The following PIK3C2G variants were observed in gnomAD, a reference collection of about 807,000 sequenced individuals.
PIK3C2G encodes the protein phosphatidylinositol-4-phosphate 3-kinase catalytic subunit type 2 gamma.
Under a neutral mutation model 181.1 loss-of-function variants are expected in PIK3C2G, and 168 were observed. The ratio of observed to expected loss-of-function variants is 0.93; its 90% CI spans 0.82 to 1.05. The LOEUF (loss-of-function observed/expected upper bound fraction) is 1.05, where lower values mean the gene tolerates loss of function less well. PIK3C2G is among the 50% of genes least tolerant of loss of function. PIK3C2G has a pLI of 0.00. For missense variants in PIK3C2G, 1,869 were observed against 1,732.8 expected (o/e 1.08, Z -1.40); for synonymous variants, 573 against 592.2 (o/e 0.97, Z 0.47).
intron 18 of PIK3C2G, among the ~76,000 whole-genome samples, chr12:18,449,261 T>C (rs940036909): frequency 6.6e-6 from 1 of 152,086 alleles, no homozygotes; most frequent in Non-Finnish European, 1.5e-5. Context: ...TGTTTGCATA[T>C]AACTCTTTTT....
intron 26 of PIK3C2G, among the ~76,000 whole-genome samples, chr12:18,561,809 C>T (rs1448194644): frequency 1.3e-5 from 2 of 149,470 alleles, no homozygotes; most frequent in Admixed American, 1.3e-4. Context: ...CAAAGGAAAA[C>T]AAATCAAAGA....
chr12:18,392,161 G>A (rs767778538), intron 15 of PIK3C2G, among the ~76,000 whole-genome samples: 1 of 152,082 alleles, frequency 6.6e-6, no homozygotes. Context: ...GCTAGATTTG[G>A]GAGACATATT....
chr12:18,681,600 TG>T, the PIK3C2G span, among the ~76,000 whole-genome samples: 1 of 151,966 alleles, frequency 6.6e-6, no homozygotes, highest in Non-Finnish European at 1.5e-5. Context: ...TGATAAATAA[TG>T]CAAATTTTAA....
chr12:18,716,896 GC>G, the PIK3C2G span, among the ~76,000 whole-genome samples: 1 of 152,072 alleles, frequency 6.6e-6, no homozygotes, highest in African/African-American at 2.4e-5. Flanking sequence ...ATGCTTTACA[GC>G]AGTAATATTC....
At chr12:18,465,963 T>A (rs1937825159) in intron 18 of PIK3C2G, among the ~76,000 whole-genome samples, 2 of 151,732 alleles carry the variant, frequency 1.3e-5, no homozygotes, top group South Asian at 2.1e-4. Context: ...TACTTCTTTT[T>A]TTATCTTCCT....
the PIK3C2G span, among the ~76,000 whole-genome samples, chr12:18,665,289 G>A: frequency 1.3e-5 from 2 of 152,112 alleles, no homozygotes; most frequent in Admixed American, 1.3e-4. Context: ...AAGATGGAAA[G>A]AGTTCTGGAG....
intron 1 of PIK3C2G, among the ~76,000 whole-genome samples, chr12:18,254,510 G>T (rs1427143193): frequency 6.6e-6 from 1 of 151,846 alleles, no homozygotes; most frequent in East Asian, 1.9e-4. Context: ...TCAAGTTTTT[G>T]TAATATTTGT....
intron 10 of PIK3C2G, among the ~76,000 whole-genome samples, chr12:18,346,030 C>A (rs1182405201): frequency 6.6e-6 from 1 of 152,098 alleles, no homozygotes; most frequent in East Asian, 1.9e-4. Context: ...TTAGGAATAA[C>A]CAGTAGACTC....
the PIK3C2G span, chr12:18,701,358 T>A: frequency 2.8e-6 from 4 of 1,437,142 alleles, no homozygotes; most frequent in Non-Finnish European, 3.7e-6. Flanking sequence ...ACCATCGATG[T>A]TTTCAAAGTA....
At chr12:18,355,318 C>A (rs11044045) in intron 11 of PIK3C2G, among the ~76,000 whole-genome samples, 3 of 152,066 alleles carry the variant, frequency 2.0e-5, no homozygotes, top group Non-Finnish European at 4.4e-5. Flanking sequence ...GCCTCCCTAT[C>A]GTAAGCAGAG....
chr12:18,334,618 C>G (rs1325224725), intron 8 of PIK3C2G, among the ~76,000 whole-genome samples: 1 of 151,502 alleles, frequency 6.6e-6, no homozygotes, highest in African/African-American at 2.4e-5. Context: ...ACCCAGTGTT[C>G]AACTTTTTTT....
chr12:18,421,781 T>A (rs764842575), intron 17 of PIK3C2G, among the ~76,000 whole-genome samples: 36 of 151,618 alleles, frequency 2.4e-4, no homozygotes, highest in Admixed American at 2.0e-4. Context: ...ATCTGAAAGG[T>A]CAGGTTGTTA....
intron 13 of PIK3C2G, among the ~76,000 whole-genome samples, chr12:18,381,325 G>T (rs915199464): frequency 1.3e-5 from 2 of 151,224 alleles, no homozygotes; most frequent in Non-Finnish European, 2.9e-5. Context: ...AATAAATTTA[G>T]AACTTGTATC....
chr12:18,486,436 A>T (rs1940040569), intron 18 of PIK3C2G, among the ~76,000 whole-genome samples: 1 of 152,124 alleles, frequency 6.6e-6, no homozygotes, highest in African/African-American at 2.4e-5. Context: ...ATGAGTGAAC[A>T]AGTTCATTTC....
chr12:18,392,772 T>C (rs915576734), intron 15 of PIK3C2G, among the ~76,000 whole-genome samples: 1 of 152,128 alleles, frequency 6.6e-6, no homozygotes, highest in Non-Finnish European at 1.5e-5. Context: ...CTTTCTTGTT[T>C]ATCACTATAT....
chr12:18,637,379 T>G (rs1949648729), intron 31 of PIK3C2G, among the ~76,000 whole-genome samples: 1 of 148,126 alleles, frequency 6.8e-6, no homozygotes, highest in Admixed American at 7.0e-5. Context: ...TCAGGTAAGA[T>G]TTTGTTCACT....
chr12:18,351,092 T>C (rs1940173031), intron 11 of PIK3C2G, among the ~76,000 whole-genome samples: 1 of 152,066 alleles, frequency 6.6e-6, no homozygotes, highest in Non-Finnish European at 1.5e-5. Flanking sequence ...CAATAACCTA[T>C]ATAATAAAGA....
chr12:18,278,564 G>A (rs530041251), intron 1 of PIK3C2G, among the ~76,000 whole-genome samples: 6 of 152,172 alleles, frequency 3.9e-5, no homozygotes, highest in Non-Finnish European at 8.8e-5. Flanking sequence ...ATATTTGAGG[G>A]GACACAGTTT....
chr12:18,360,670 C>T (rs930836756), intron 11 of PIK3C2G, among the ~76,000 whole-genome samples: 3 of 152,058 alleles, frequency 2.0e-5, no homozygotes, highest in Admixed American at 1.3e-4. Context: ...TTTCTTTCAG[C>T]GTATTGAATA....
Sources: gnomAD v4.1 joint callset for allele counts (sites outside exome capture counted in the v4.1 genomes callset) on GRCh38, gnomAD v4.1.1 for gene constraint, MANE v1.5 for transcripts, NCBI Gene and HGNC (gene_info 2026-07-23, HGNC 2026-07-21) for gene names.